Variants in CASK observed in about 807,000 individuals in gnomAD.
CASK encodes peripheral plasma membrane protein CASK.
Under a neutral mutation model 82.9 loss-of-function variants are expected in CASK, and 4 were observed. The ratio of observed to expected loss-of-function variants is 0.05; its 90% confidence interval spans 0.02 to 0.11. CASK has a LOEUF of 0.11. CASK is among the 10% of genes least tolerant of loss of function. The pLI is 1.00. For synonymous variants in CASK, 259 were observed against 253.5 expected (o/e 1.02, Z -0.20); for missense variants, 358 against 720.9 (o/e 0.50, Z 5.76).
intron 5 of CASK, chrX:41,696,791 T>C (rs781351958): frequency 4.8e-5 from 50 of 1,042,505 alleles, no homozygotes; most frequent in Non-Finnish European, 6.3e-5. Context: ...GTAAACATAC[T>C]AAAATGAATT....
chrX:41,553,942 G>A, intron 20 of CASK, 27 bp from the exon 21 acceptor site: 1 of 1,062,262 alleles, frequency 9.4e-7, no homozygotes, highest in Non-Finnish European at 1.3e-6. Flanking sequence ...CGTAAGAAAG[G>A]ATGCCATAGT....
intron 5 of CASK, among the ~76,000 whole-genome samples, chrX:41,736,695 A>G (rs1176056890): frequency 8.9e-6 from 1 of 111,829 alleles, no homozygotes; most frequent in African/African-American, 3.3e-5. Context: ...TGCTTCCTCT[A>G]AACTATTTAG....
At chrX:41,700,431 C>T (rs939063910) in intron 5 of CASK, among the ~76,000 whole-genome samples, 1 of 110,700 alleles carries the variant, frequency 9.0e-6, no homozygotes, top group East Asian at 2.8e-4. Context: ...AAATATAATA[C>T]TTTATCAGAT....
chrX:41,624,097 GT>G (rs1433903399), intron 10 of CASK, among the ~76,000 whole-genome samples: 5 of 112,230 alleles, frequency 4.5e-5, no homozygotes, highest in South Asian at 3.7e-4. Context: ...TTATAAGCAT[GT>G]GATTATATCA....
At chrX:41,809,759 GAGA>G (rs1485022617) in intron 2 of CASK, among the ~76,000 whole-genome samples, 10 of 112,385 alleles carry the variant, frequency 8.9e-5, no homozygotes, top group African/African-American at 3.2e-4. Context: ...GACGAGTTGA[GAGA>G]AGAAGGCTTC....
intron 5 of CASK, among the ~76,000 whole-genome samples, chrX:41,710,511 T>C (rs770743604): frequency 3.0e-4 from 34 of 112,026 alleles, no homozygotes; most frequent in South Asian, 2.2e-3. Flanking sequence ...CTCAAGCTTA[T>C]ATGAAAAGCC....
At chrX:41,582,513 C>T (rs969306358) in intron 14 of CASK, among the ~76,000 whole-genome samples, 19 of 110,571 alleles carry the variant, frequency 1.7e-4, no homozygotes, top group African/African-American at 5.6e-4. Context: ...ACAGGTTTCA[C>T]CATGTTGGCC....
chrX:41,806,144 G>T (rs905165540), intron 2 of CASK, among the ~76,000 whole-genome samples: 1 of 111,708 alleles, frequency 9.0e-6, no homozygotes, highest in African/African-American at 3.3e-5. Flanking sequence ...GAATAAAGAG[G>T]TGCCAAGTTT....
chrX:41,859,273 T>TAC lies in CASK; in HGVS notation c.60-6048_60-6047dup, dbSNP rs1159467581. Reference sequence around the variant, plus strand: ...AAAGTGAAGGCCAAGAACAAATTTTTACACACATATATACACAACACACAC... The same window carrying TAC: ...AAAGTGAAGGCCAAGAACAAATTTTTACACACACATATATACACAACACACAC... On this transcript the variant is annotated intron_variant, in intron 1 of 26. Transcript: ENST00000378163. 3.6e-5 allele frequency among the ~76,000 whole-genome samples: 4 copies of TAC among 111,812 alleles called. No individual in the cohort carries two copies. The East Asian group carries it at 8.4e-4, about 24-fold the overall frequency.
At chrX:41,553,508 G>A (rs896889978) in intron 21 of CASK, among the ~76,000 whole-genome samples, 1 of 111,062 alleles carries the variant, frequency 9.0e-6, no homozygotes, top group African/African-American at 3.3e-5. Context: ...CTTTCTTTTT[G>A]TGTAAAATGA....
At chrX:41,659,599 T>C (rs2066998408) in intron 8 of CASK, among the ~76,000 whole-genome samples, 1 of 111,633 alleles carries the variant, frequency 9.0e-6, no homozygotes, top group African/African-American at 3.3e-5. Context: ...CCTGGAATTA[T>C]TGGGCTGTAT....
chrX:41,896,304 G>A (rs941055344), intron 1 of CASK, among the ~76,000 whole-genome samples: 3 of 112,058 alleles, frequency 2.7e-5, no homozygotes, highest in Non-Finnish European at 1.9e-5. Flanking sequence ...CATGAACACA[G>A]TTTCCAATAA....
At chrX:41,546,912 CTTATT>C (rs1273633434) in intron 21 of CASK, among the ~76,000 whole-genome samples, 1 of 111,024 alleles carries the variant, frequency 9.0e-6, no homozygotes, top group African/African-American at 3.3e-5. Flanking sequence ...TTAGTCATAG[CTTATT>C]TTATTTTTTT....
chrX:41,673,291 A>T (rs1602442484), intron 5 of CASK, among the ~76,000 whole-genome samples: 1 of 112,071 alleles, frequency 8.9e-6, no homozygotes, highest in African/African-American at 3.2e-5. Context: ...AAATTAATTT[A>T]TGTTTAAAAA....
intron 2 of CASK, among the ~76,000 whole-genome samples, chrX:41,821,901 T>C (rs2070551532): frequency 8.9e-6 from 1 of 111,979 alleles, no homozygotes; most frequent in Non-Finnish European, 1.9e-5. Flanking sequence ...CCAGCATCAA[T>C]GGCCAGATGT....
At chrX:41,858,153 C>T (rs1336654682) in intron 1 of CASK, among the ~76,000 whole-genome samples, 1 of 111,547 alleles carries the variant, frequency 9.0e-6, no homozygotes, top group Admixed American at 9.5e-5. Context: ...AGATCCAACA[C>T]AGAAGAGAGA....
At position 41,519,399 on chromosome X, in the gene CASK, C is replaced by T. The variant is rs971850940; in HGVS notation, c.*1021G>A. On this transcript the variant is annotated 3_prime_UTR_variant, in exon 27 of 27. Coordinates refer to ENST00000378163, the MANE Select transcript of CASK (RefSeq NM_001367721.1). The stretch of plus-strand genomic sequence containing the variant: ...TAAAATGGGTGCTTTAAAACAATTA[C>T]ATACAGATTAAAAATCATTTCTTTG... 1 of 111,492 alleles carries T rather than the reference C, an allele frequency of 9.0e-6. No homozygotes were observed. The highest frequency in any genetic ancestry group is 3.3e-5 in the African/African-American group (1 of 30,657). 9.2% of individuals were successfully genotyped at this position (111,492 alleles called of 1,213,427 possible). A position where few individuals can be genotyped will look rare whatever the true frequency, so the allele number is the denominator to read the frequency against.
chrX:41,549,678 G>A (rs1286628166), intron 21 of CASK, among the ~76,000 whole-genome samples: 2 of 106,501 alleles, frequency 1.9e-5, no homozygotes, highest in Non-Finnish European at 3.9e-5. Flanking sequence ...CATCTCTATC[G>A]AAAATTTAAA....
chrX:41,902,706 A>T (rs1213088266), intron 1 of CASK, among the ~76,000 whole-genome samples: 1 of 112,331 alleles, frequency 8.9e-6, no homozygotes, highest in East Asian at 2.8e-4. Flanking sequence ...CAGAAGCTAC[A>T]GGAGTACATG....
Sources: allele counts gnomAD v4.1 joint callset (sites outside exome capture counted in the v4.1 genomes callset), GRCh38; gene constraint gnomAD v4.1.1; transcripts MANE v1.5; gene names NCBI Gene and HGNC (gene_info 2026-07-23, HGNC 2026-07-21).